AK8: variants seen among roughly 807,000 people sequenced by gnomAD.
AK8 encodes ATP-AMP transphosphorylase 8.
In AK8, 44 loss-of-function variants were observed where a neutral mutation model predicts 54.6. The observed-to-expected ratio is 0.81, with a 90% CI of 0.63 to 1.04. AK8 has a LOEUF of 1.04. AK8 is among the 50% of genes least tolerant of loss of function. The pLI, the probability that AK8 is intolerant of heterozygous loss-of-function variation, is 0.00. For synonymous variants in AK8, 239 were observed against 245.6 expected, an observed-to-expected ratio of 0.97 and a Z score of 0.25; for missense variants, 555 against 613.6, an observed-to-expected ratio of 0.90 and a Z score of 1.01.
intron 11 of AK8, among the ~76,000 whole-genome samples, chr9:132,734,178 G>A (rs1235946562): frequency 2.6e-5 from 4 of 152,180 alleles, no homozygotes; most frequent in Admixed American, 2.6e-4. Flanking sequence ...GAAGGCTTGC[G>A]TAAAATACAG....
At chr9:132,752,221 G>A (rs1190594568) in intron 11 of AK8, among the ~76,000 whole-genome samples, 1 of 150,482 alleles carries the variant, frequency 6.6e-6, no homozygotes, top group East Asian at 2.0e-4. Flanking sequence ...TTGGATATTG[G>A]AAATATTTTT....
chr9:132,863,698 G>A lies in AK8; in HGVS notation c.300C>T (p.Ala100=), dbSNP rs377460412. ...GCAGATAAAGCCTTCTGGCTTCGGT[G>A]GCCGTATAGGAAAACTCATTTAAGA... ...NLILNEFSYT[A]TEARRLYLQR... is the part of the protein sequence containing the mutation. The change falls in exon 4 of 13, where the codon GCC becomes GCT. Residue 100 remains alanine (A), a synonymous_variant. Transcript: ENST00000298545. The A allele has an allele frequency of 9.3e-6, 15 of 1,613,966 alleles. No homozygotes were observed. The highest frequency in any genetic ancestry group is 6.7e-5 in the African/African-American group (5 of 75,040).
At chr9:132,841,359 A>G (rs1478377365) in intron 5 of AK8, among the ~76,000 whole-genome samples, 1 of 152,226 alleles carries the variant, frequency 6.6e-6, no homozygotes, top group Non-Finnish European at 1.5e-5. Context: ...ATGAATAATA[A>G]AATTCTCCGC....
Position 132,749,906 on chromosome 9 carries a change from C to A in AK8, c.1122-22372G>T, listed in dbSNP as rs1475234924. Among the ~76,000 whole-genome samples the A allele has an allele frequency of 3.3e-5, 5 of 151,726 alleles. No homozygotes were observed. In the South Asian group the frequency reaches 1.1e-3, roughly 32 times the overall value. On this transcript the variant is annotated intron_variant, in intron 11 of 12. Transcript: ENST00000298545. ...TGGGGCTGGTGTTGGGGTGGGCGTG[C>A]ACTTGCCATCCTTTTATTTCTTCCC...
At chr9:132,802,500 G>A (rs1181226383) in intron 10 of AK8, among the ~76,000 whole-genome samples, 1 of 152,204 alleles carries the variant, frequency 6.6e-6, no homozygotes, top group East Asian at 1.9e-4. Flanking sequence ...TCTCTGGAGT[G>A]CTTGTGCCAG....
chr9:132,833,539 A>G (rs1842191920), intron 5 of AK8, among the ~76,000 whole-genome samples: 1 of 152,142 alleles, frequency 6.6e-6, no homozygotes, highest in Non-Finnish European at 1.5e-5. Context: ...TGTTCAGAGC[A>G]GGTTAATTGA....
At chr9:132,853,810 T>TAAAAAAAAAAAAAAAAAAAAA (rs1843065733) in intron 5 of AK8, among the ~76,000 whole-genome samples, 2 of 94,186 alleles carry the variant, frequency 2.1e-5, no homozygotes, top group South Asian at 4.0e-4. Context: ...AAAAAAAAAG[T>TAAAAAAAAAAAAAAAAAAAAA]AAACAGAGTG....
chr9:132,727,400 G>C (rs1451662282), intron 12 of AK8, 54 bp downstream of exon 12: 7 of 1,534,068 alleles, frequency 4.6e-6, no homozygotes, highest in Non-Finnish European at 2.7e-6. Context: ...CAGTCAGTTG[G>C]GTCTGGCCCC....
At chr9:132,801,267 G>A (rs1006457709) in intron 10 of AK8, among the ~76,000 whole-genome samples, 1 of 152,140 alleles carries the variant, frequency 6.6e-6, no homozygotes, top group Middle Eastern at 3.2e-3. Context: ...TGACAAAAGA[G>A]ACCATTCAAA....
intron 11 of AK8, among the ~76,000 whole-genome samples, chr9:132,786,933 T>C (rs1298639075): frequency 6.6e-6 from 1 of 151,844 alleles, no homozygotes; most frequent in Non-Finnish European, 1.5e-5. Flanking sequence ...ATCAAGAAAC[T>C]ATAAAAGGAA....
At chr9:132,783,310 G>T (rs1839559923) in intron 11 of AK8, among the ~76,000 whole-genome samples, 1 of 152,164 alleles carries the variant, frequency 6.6e-6, no homozygotes, top group Admixed American at 6.5e-5. Context: ...AACGGATTTT[G>T]CCCTAGAGCC....
intron 5 of AK8, among the ~76,000 whole-genome samples, chr9:132,854,581 CT>C (rs1475652389): frequency 7.2e-5 from 11 of 152,270 alleles, no homozygotes; most frequent in Non-Finnish European, 1.2e-4. Context: ...TCCCATGCTT[CT>C]GCGATTGTCC....
At chr9:132,773,194 A>C (rs1839063489) in intron 11 of AK8, among the ~76,000 whole-genome samples, 1 of 152,034 alleles carries the variant, frequency 6.6e-6, no homozygotes, top group African/African-American at 2.4e-5. Context: ...GCACATTCCT[A>C]ACTCAGGGCC....
In AK8 at chr9:132,784,495, C is replaced by T. The variant is rs145243314; in HGVS notation, c.1121+8139G>A. On this transcript the variant is annotated intron_variant, in intron 11 of 12. Coordinates refer to ENST00000298545, the MANE Select transcript of AK8 (RefSeq NM_152572.3). ...GATTGCGCCATTCCGGCCTGGATGA[C>T]AGAGTGAGACTCCATCAAGAAAGAA... Among the ~76,000 whole-genome samples, 4 of 151,556 alleles carry T rather than the reference C, an allele frequency of 2.6e-5. No homozygotes were observed. The East Asian group carries it at 7.8e-4, about 30-fold the overall frequency.
chr9:132,749,301 A>G (rs1837795979), intron 11 of AK8, among the ~76,000 whole-genome samples: 1 of 151,918 alleles, frequency 6.6e-6, no homozygotes, highest in African/African-American at 2.4e-5. Flanking sequence ...GTCTCAGGGA[A>G]GTTATGCAGC....
chr9:132,803,514 C>T lies in AK8; in HGVS notation c.980-10739G>A, dbSNP rs909202421. Among the ~76,000 whole-genome samples the T allele has an allele frequency of 6.6e-6, 1 of 152,114 alleles. No homozygotes were observed. Among genetic ancestry groups the T allele is most frequent in the Non-Finnish European group, 1.5e-5 (1 of 68,042 alleles). ...CATGGTGAGTAATCAGTGATTACAA[C>T]CAGTGACCATAGTAAGTAATTAGTG... On this transcript the variant is annotated intron_variant, in intron 10 of 12. Transcript: ENST00000298545. The surrounding 1 kb of genome is among the most constrained non-coding windows in gnomAD (Gnocchi z 4.4).
At chr9:132,836,457 T>C (rs1842327911) in intron 5 of AK8, among the ~76,000 whole-genome samples, 2 of 152,220 alleles carry the variant, frequency 1.3e-5, no homozygotes, top group Admixed American at 6.5e-5. Flanking sequence ...AAAAAAATTG[T>C]TTAAAAAGGC....
At chr9:132,853,462 T>G (rs1843050744) in intron 5 of AK8, among the ~76,000 whole-genome samples, 1 of 151,732 alleles carries the variant, frequency 6.6e-6, no homozygotes, top group Non-Finnish European at 1.5e-5. Flanking sequence ...ATAAAAGAAT[T>G]TGAATGACTG....
chr9:132,767,104 G>A (rs1033243835), intron 11 of AK8, among the ~76,000 whole-genome samples: 6 of 152,096 alleles, frequency 3.9e-5, no homozygotes, highest in African/African-American at 1.4e-4. Context: ...TAAAGGACAG[G>A]CAACAAAAAC....
Sources: allele counts gnomAD v4.1 joint callset (sites outside exome capture counted in the v4.1 genomes callset), GRCh38; gene constraint gnomAD v4.1.1; non-coding constraint Gnocchi (gnomAD v3.1); transcripts MANE v1.5; gene names NCBI Gene and HGNC (gene_info 2026-07-23, HGNC 2026-07-21).